PLEKHA7: variants seen among roughly 807,000 people sequenced by gnomAD.
PLEKHA7 encodes pleckstrin homology domain containing A7, also known as pleckstrin homology domain-containing family A member 7.
PLEKHA7 carries 104 observed loss-of-function variants against 170.0 expected under a neutral mutation model. The ratio of observed to expected loss-of-function variants is 0.61; its 90% CI spans 0.52 to 0.72. The LOEUF is 0.72. PLEKHA7 is among the 30% of genes least tolerant of loss of function. PLEKHA7 has a pLI of 0.00. For missense variants in PLEKHA7, 1,615 were observed against 1,671.7 expected, an observed-to-expected ratio of 0.97 and a Z score of 0.59; for synonymous variants, 648 against 660.8, an observed-to-expected ratio of 0.98 and a Z score of 0.30.
At position 16,909,309 on chromosome 11, in the gene PLEKHA7, A is replaced by G. The variant is rs1457535279; in HGVS notation, c.222-38127T>C. On this transcript the variant is annotated intron_variant, in intron 3 of 26. Coordinates refer to ENST00000531066, the MANE Select transcript of PLEKHA7 (RefSeq NM_001329630.2). ...AGTTTCTCAGTCTTTCTATGTTCACACAGAAACAGGAGCCTCTTAATGTTC... is the reference window on the plus strand; with the variant it reads ...AGTTTCTCAGTCTTTCTATGTTCACGCAGAAACAGGAGCCTCTTAATGTTC... Among the ~76,000 whole-genome samples the G allele has an allele frequency of 2.0e-5, 3 of 152,214 alleles. No individual in the cohort carries two copies. The East Asian group carries it at 5.8e-4, about 29-fold the overall frequency.
At chr11:16,930,563 C>A (rs962169283) in intron 3 of PLEKHA7, among the ~76,000 whole-genome samples, 2 of 152,178 alleles carry the variant, frequency 1.3e-5, no homozygotes, top group Non-Finnish European at 2.9e-5. Context: ...TAATCCCTTA[C>A]CAGTCATTGC....
Position 16,944,449 on chromosome 11 carries a change from T to C in PLEKHA7, c.221+69540A>G, listed in dbSNP as rs368114205. On this transcript the variant is annotated intron_variant, in intron 3 of 26. Transcript: ENST00000531066. ...ATCACTTGAACCCAGGAGGCGGAGG[T>C]TGCAGTGAGCTGAGATTGCACCACT... Among the ~76,000 whole-genome samples the C allele has an allele frequency of 5.5e-3, 827 of 151,024 alleles. 5 individuals are homozygous for C. Among genetic ancestry groups the C allele is most frequent in the Middle Eastern group, 0.024 (7 of 294 alleles).
intron 3 of PLEKHA7, among the ~76,000 whole-genome samples, chr11:17,002,640 C>A (rs988095492): frequency 9.9e-5 from 15 of 152,168 alleles, no homozygotes; most frequent in African/African-American, 3.6e-4. Flanking sequence ...ACAACAAATG[C>A]ATTTTTCAAC....
intron 3 of PLEKHA7, among the ~76,000 whole-genome samples, chr11:17,004,707 A>C (rs972925696): frequency 2.1e-4 from 32 of 152,170 alleles, no homozygotes; most frequent in Non-Finnish European, 7.4e-5. Flanking sequence ...ATACAACTTT[A>C]GAGAAGTCAC....
intron 3 of PLEKHA7, among the ~76,000 whole-genome samples, chr11:16,907,226 C>A (rs1408357493): frequency 1.1e-5 from 1 of 91,772 alleles, no homozygotes. Context: ...GTCATCCCCC[C>A]ACCTGGCCAG....
chr11:16,907,364 C>A (rs1355200771), intron 3 of PLEKHA7, among the ~76,000 whole-genome samples: 1 of 135,914 alleles, frequency 7.4e-6, no homozygotes, highest in African/African-American at 2.6e-5. Flanking sequence ...GCCCGGCCAG[C>A]CGCCCCATCC....
chr11:17,006,767 G>A (rs1273602547), intron 3 of PLEKHA7, among the ~76,000 whole-genome samples: 1 of 152,140 alleles, frequency 6.6e-6, no homozygotes, highest in Non-Finnish European at 1.5e-5. Context: ...CCTAGGGGTG[G>A]CCCAGAAGAC....
chr11:16,854,923 AC>A lies in PLEKHA7; in HGVS notation c.487del (p.Val163PhefsTer5). 6.2e-7 allele frequency: 1 copy of A among 1,614,032 alleles called. No homozygotes were observed. The highest frequency in any genetic ancestry group is 8.5e-7 in the Non-Finnish European group (1 of 1,179,946). Reference protein sequence around the residue: ...RDQAIRRNPNVPVVVRGWLHK... With the variant: ...RDQAIRRNPNXPVVVRGWLHK... ...CAGCCAGCCCCTCACCACCACGGGA[AC>A]ATTGGGGTTCCTCCGAATGGCCTGG... On this transcript the variant is annotated frameshift_variant, in exon 6 of 27. Coordinates refer to ENST00000531066, the MANE Select transcript of PLEKHA7 (RefSeq NM_001329630.2). LOFTEE classifies it high-confidence loss of function.
At chr11:16,873,463 G>A (rs1855028005) in intron 3 of PLEKHA7, among the ~76,000 whole-genome samples, 1 of 152,050 alleles carries the variant, frequency 6.6e-6, no homozygotes, top group Non-Finnish European at 1.5e-5. Context: ...ACCATAGCCA[G>A]CCTCTGAATT....
intron 3 of PLEKHA7, among the ~76,000 whole-genome samples, chr11:16,873,479 C>T (rs536458496): frequency 6.6e-6 from 1 of 152,290 alleles, no homozygotes; most frequent in South Asian, 2.1e-4. Context: ...GAATTCCCTG[C>T]TCCTGGTCCC....
intron 6 of PLEKHA7, among the ~76,000 whole-genome samples, chr11:16,853,677 G>T (rs1319986230): frequency 6.6e-6 from 1 of 152,180 alleles, no homozygotes; most frequent in Non-Finnish European, 1.5e-5. Context: ...GATGCAAACG[G>T]AAGAAGTCAG....
At chr11:16,929,451 G>A (rs958791837) in intron 3 of PLEKHA7, among the ~76,000 whole-genome samples, 6 of 152,154 alleles carry the variant, frequency 3.9e-5, no homozygotes, top group Non-Finnish European at 7.3e-5. Flanking sequence ...ATATACTCTT[G>A]GTCCTAAGAA....
chr11:17,014,116 G>A lies in PLEKHA7; in HGVS notation c.163+9C>T, dbSNP rs760219065. 16 of 1,598,336 alleles carry A rather than the reference G, an allele frequency of 1.0e-5. No homozygotes were observed. Among genetic ancestry groups the A allele is most frequent in the Non-Finnish European group, 1.4e-5 (16 of 1,173,906 alleles). On this transcript the variant is annotated intron_variant, in intron 2 of 26. Transcript: ENST00000531066. ...GCGCGCGCCCCCCACCCGCCGGCCC[G>A]GCGCCCACCTGAGCGGATCATGTGG...
intron 3 of PLEKHA7, among the ~76,000 whole-genome samples, chr11:17,011,584 T>C (rs1391883184): frequency 6.6e-6 from 1 of 152,158 alleles, no homozygotes; most frequent in Non-Finnish European, 1.5e-5. Flanking sequence ...TGCATTCTCC[T>C]GGGGTTTCTC....
At chr11:16,827,830 A>T (rs528188263) in intron 9 of PLEKHA7, among the ~76,000 whole-genome samples, 1 of 27,092 alleles carries the variant, frequency 3.7e-5, no homozygotes, top group African/African-American at 7.1e-5. Flanking sequence ...CTCCATGGTT[A>T]AAAAAAAAAA....
intron 3 of PLEKHA7, among the ~76,000 whole-genome samples, chr11:16,978,268 C>G (rs1050479416): frequency 1.3e-5 from 2 of 152,200 alleles, no homozygotes; most frequent in Admixed American, 6.5e-5. Context: ...CTTTTGTTCA[C>G]GTCCCTCAAT....
At chr11:16,994,118 A>G (rs921352224) in intron 3 of PLEKHA7, among the ~76,000 whole-genome samples, 1 of 152,212 alleles carries the variant, frequency 6.6e-6, no homozygotes, top group African/African-American at 2.4e-5. Flanking sequence ...ACCTGCCCCT[A>G]GAAGCACCAA....
In PLEKHA7 at chr11:16,816,232, G is replaced by C. The variant is rs762470469; in HGVS notation, c.1899C>G (p.Pro633=). ...NSSHVDRRSM[P]SMGYMTHTVS... ...CGGTGTGGGTCATGTAACCCATGGA[G>C]GGCATGGAGCGTCGGTCCACATGAG... Residue 633 remains proline (P), a synonymous_variant, in exon 12 of 27, where the codon CCC becomes CCG. Coordinates refer to ENST00000531066, the MANE Select transcript of PLEKHA7 (RefSeq NM_001329630.2). 1.2e-6 allele frequency: 2 copies of C among 1,613,932 alleles called. No individual in the cohort carries two copies. The highest frequency in any genetic ancestry group is 1.1e-5 in the South Asian group (1 of 91,084).
chr11:16,887,315 CTCTCCCTCTCCCCACGG>C (rs1404724641), intron 3 of PLEKHA7, among the ~76,000 whole-genome samples: 2 of 138,694 alleles, frequency 1.4e-5, no homozygotes, highest in Non-Finnish European at 3.2e-5. Context: ...CTCCCTCTCC[CTCTCCCTCTCCCCACGG>C]TCTCCCTCTC....
Sources: gnomAD v4.1 joint callset for allele counts (sites outside exome capture counted in the v4.1 genomes callset) on GRCh38, gnomAD v4.1.1 for gene constraint, MANE v1.5 for transcripts, NCBI Gene and HGNC (gene_info 2026-07-23, HGNC 2026-07-21) for gene names.